The following FHIT variants were observed in gnomAD, a reference collection of about 807,000 sequenced individuals.
FHIT encodes the protein fragile histidine triad diadenosine triphosphatase, also known as bis(5'-adenosyl)-triphosphatase.
FHIT carries 19 observed loss-of-function variants against 17.9 expected under a neutral mutation model. The observed-to-expected ratio is 1.06, with a 90% CI of 0.74 to 1.56. FHIT has a LOEUF of 1.56. Among genes scored for constraint, FHIT ranks in the 40% most tolerant of loss-of-function variants. FHIT has a pLI of 0.00. For missense variants in FHIT, 248 were observed against 189.2 expected (o/e 1.31, Z -1.82); for synonymous variants, 81 against 69.7 (o/e 1.16, Z -0.81).
intron 5 of FHIT, among the ~76,000 whole-genome samples, chr3:60,085,963 C>T (rs1703476316): frequency 6.6e-6 from 1 of 152,046 alleles, no homozygotes; most frequent in Non-Finnish European, 1.5e-5. Context: ...GAAGAAATAC[C>T]TGAGGTGGTA....
chr3:60,538,785 G>T (rs241696), intron 4 of FHIT, among the ~76,000 whole-genome samples: 20 of 152,168 alleles, frequency 1.3e-4, no homozygotes, highest in East Asian at 3.9e-4. Context: ...TATACAAAAA[G>T]TAATTCAAGA....
At chr3:60,500,761 A>C (rs549436807) in intron 5 of FHIT, among the ~76,000 whole-genome samples, 1 of 121,706 alleles carries the variant, frequency 8.2e-6, no homozygotes, top group East Asian at 2.6e-4. Flanking sequence ...TGACAGAGTG[A>C]GCATCCATCT....
At chr3:60,083,142 A>G (rs1379491681) in intron 5 of FHIT, among the ~76,000 whole-genome samples, 1 of 152,126 alleles carries the variant, frequency 6.6e-6, no homozygotes, top group East Asian at 1.9e-4. Context: ...ATTTTTGTAT[A>G]TGGTGAAAGG....
chr3:60,284,156 G>A (rs992643137), intron 5 of FHIT, among the ~76,000 whole-genome samples: 1 of 152,096 alleles, frequency 6.6e-6, no homozygotes, highest in Non-Finnish European at 1.5e-5. Context: ...AGAGCAAACT[G>A]AAAATGAGAA....
chr3:61,083,913 C>T (rs915707392), intron 2 of FHIT, among the ~76,000 whole-genome samples: 2 of 151,908 alleles, frequency 1.3e-5, no homozygotes, highest in Admixed American at 1.3e-4. Flanking sequence ...AGTTGATGGT[C>T]ATTTGGGTTG....
At chr3:59,903,468 G>T (rs905325681) in intron 8 of FHIT, among the ~76,000 whole-genome samples, 1 of 152,172 alleles carries the variant, frequency 6.6e-6, no homozygotes, top group East Asian at 1.9e-4. Context: ...TTACTATATG[G>T]AAAGTTCTTA....
chr3:59,831,849 A>G (rs1445484549), intron 8 of FHIT, among the ~76,000 whole-genome samples: 1 of 152,166 alleles, frequency 6.6e-6, no homozygotes, highest in African/African-American at 2.4e-5. Context: ...GGTGATATAG[A>G]GAGGGTTTAA....
At chr3:60,145,167 C>G (rs946512688) in intron 5 of FHIT, among the ~76,000 whole-genome samples, 7 of 151,604 alleles carry the variant, frequency 4.6e-5, no homozygotes, top group African/African-American at 1.7e-4. Context: ...TTTTTTTGTC[C>G]TTTGAATTAC....
In FHIT at chr3:60,081,570, T is replaced by C. The variant is rs555079707; in HGVS notation, c.104-67418A>G. On this transcript the variant is annotated intron_variant, in intron 5 of 9. Transcript: ENST00000492590. ...TCCTGATTGAGATACCAGCATATCC[T>C]ACCCAATTATTAACTATGGATGGAC... Among the ~76,000 whole-genome samples the C allele has an allele frequency of 2.0e-5, 3 of 152,278 alleles. No homozygotes were observed. The South Asian group carries it at 6.2e-4, about 32-fold the overall frequency.
chr3:61,077,591 G>T (rs2035010937), intron 2 of FHIT, among the ~76,000 whole-genome samples: 1 of 152,076 alleles, frequency 6.6e-6, no homozygotes, highest in African/African-American at 2.4e-5. Context: ...AGAATCCTAA[G>T]TGTTTACACC....
At chr3:60,106,705 G>T (rs545181320) in intron 5 of FHIT, among the ~76,000 whole-genome samples, 1 of 152,192 alleles carries the variant, frequency 6.6e-6, no homozygotes, top group African/African-American at 2.4e-5. Context: ...CTTCCCAAAG[G>T]GTGCATGTAG....
chr3:60,149,652 C>T (rs1700376261), intron 5 of FHIT, among the ~76,000 whole-genome samples: 1 of 152,062 alleles, frequency 6.6e-6, no homozygotes, highest in African/African-American at 2.4e-5. Flanking sequence ...AGCAACAACC[C>T]TGACATCATT....
At chr3:61,225,098 C>A (rs538362483) in intron 1 of FHIT, among the ~76,000 whole-genome samples, 1 of 151,812 alleles carries the variant, frequency 6.6e-6, no homozygotes, top group Non-Finnish European at 1.5e-5. Context: ...AGAGCCTGTG[C>A]TCTACACAAC....
chr3:60,955,629 TATATACACACACAC>T (rs1709110211), intron 3 of FHIT, among the ~76,000 whole-genome samples: 1 of 38,296 alleles, frequency 2.6e-5, no homozygotes, highest in African/African-American at 9.0e-5. Context: ...TATATATATA[TATATACACACACAC>T]ACATATATAC....
chr3:60,887,524 T>A (rs1442739952), intron 3 of FHIT, among the ~76,000 whole-genome samples: 1 of 151,958 alleles, frequency 6.6e-6, no homozygotes, highest in Non-Finnish European at 1.5e-5. Context: ...CACACGCCTG[T>A]AATCCCGGCT....
chr3:60,814,649 A>G (rs1553737060), intron 4 of FHIT, among the ~76,000 whole-genome samples: 1 of 152,148 alleles, frequency 6.6e-6, no homozygotes, highest in Non-Finnish European at 1.5e-5. Flanking sequence ...GCTATTGTGA[A>G]TAGTGCTGTG....
chr3:59,853,829 A>G (rs1015497651), intron 8 of FHIT, among the ~76,000 whole-genome samples: 2 of 152,136 alleles, frequency 1.3e-5, no homozygotes, highest in Non-Finnish European at 2.9e-5. Flanking sequence ...CTATCAAAAT[A>G]AAATTATACT....
chr3:60,480,593 G>T (rs2033564260), intron 5 of FHIT, among the ~76,000 whole-genome samples: 1 of 152,162 alleles, frequency 6.6e-6, no homozygotes, highest in South Asian at 2.1e-4. Flanking sequence ...CATTACAAAT[G>T]AGAGAAATTG....
intron 5 of FHIT, among the ~76,000 whole-genome samples, chr3:60,488,217 A>G (rs77485171): frequency 0.096 from 14,635 of 152,234 alleles, 1,114 homozygotes; most frequent in East Asian, 0.39. Context: ...TGATTGAGCT[A>G]AAAGATTATA....
Sources: allele counts gnomAD v4.1 joint callset (sites outside exome capture counted in the v4.1 genomes callset), GRCh38; gene constraint gnomAD v4.1.1; transcripts MANE v1.5; gene names NCBI Gene and HGNC (gene_info 2026-07-23, HGNC 2026-07-21).